The following MYO5C variants were observed in gnomAD, a reference collection of about 807,000 sequenced individuals.
MYO5C encodes unconventional myosin-Vc.
A neutral mutation model predicts 235.7 loss-of-function variants in MYO5C; 194 were observed. The ratio of observed to expected loss-of-function variants is 0.82; its 90% confidence interval spans 0.73 to 0.93. The LOEUF (loss-of-function observed/expected upper bound fraction) is 0.93, where lower values mean the gene tolerates loss of function less well. Among genes scored for constraint, MYO5C ranks in the 40% least tolerant of loss-of-function variants. The pLI is 0.00. For synonymous variants in MYO5C, 707 were observed against 754.8 expected (o/e 0.94, Z 1.04); for missense variants, 2,038 against 2,127.2 (o/e 0.96, Z 0.82).
In MYO5C at chr15:52,275,613, G is replaced by A; in HGVS notation, c.555C>T (p.Gly185=). 6.2e-7 allele frequency: 1 copy of A among 1,614,208 alleles called. No homozygotes were observed. Among genetic ancestry groups the A allele is most frequent in the Non-Finnish European group, 8.5e-7 (1 of 1,180,040 alleles). Residue 185 remains glycine (G), a synonymous_variant, in exon 5 of 41, where the codon GGC becomes GGT. Coordinates refer to ENST00000261839, the MANE Select transcript of MYO5C (RefSeq NM_018728.4). Reference sequence around the variant, plus strand: ...CCTTGTCTTCCACGTGAGCGTTGCTGCCCGATTTGCTGACGGTGGCAAAGT... The same window carrying A: ...CCTTGTCTTCCACGTGAGCGTTGCTACCCGATTTGCTGACGGTGGCAAAGT... ...MRYFATVSKS[G]SNAHVEDKVL...
At chr15:52,208,496 G>T in intron 36 of MYO5C, 58 bp downstream of exon 36, 1 of 1,510,724 alleles carries the variant, frequency 6.6e-7, no homozygotes, top group South Asian at 1.1e-5. Context: ...CTCTGGCTCA[G>T]GAGGAGGTTA....
At chr15:52,212,089 T>G (rs1437500531) in intron 34 of MYO5C, among the ~76,000 whole-genome samples, 2 of 152,222 alleles carry the variant, frequency 1.3e-5, no homozygotes, top group Non-Finnish European at 2.9e-5. Context: ...CTCTTCTTGT[T>G]TACAAAGGAC....
intron 38 of MYO5C, among the ~76,000 whole-genome samples, chr15:52,199,554 G>A (rs1337424308): frequency 3.7e-5 from 5 of 133,986 alleles, no homozygotes; most frequent in South Asian, 2.5e-4. Context: ...GCCTCTACTC[G>A]CCACAGGTTG....
intron 36 of MYO5C, 137 bp from the exon 37 acceptor site, chr15:52,206,103 T>C: frequency 1.9e-6 from 1 of 530,980 alleles, no homozygotes; most frequent in Non-Finnish European, 3.1e-6. Context: ...TGGGGTAGCA[T>C]GTACCTTCTA....
At chr15:52,287,756 C>G (rs1004305994) in intron 1 of MYO5C, among the ~76,000 whole-genome samples, 5 of 152,098 alleles carry the variant, frequency 3.3e-5, no homozygotes, top group African/African-American at 1.2e-4. Flanking sequence ...GTGGGTGGAT[C>G]ACCTGAGATT....
intron 1 of MYO5C, among the ~76,000 whole-genome samples, chr15:52,291,730 T>C (rs12905703): frequency 1.9e-5 from 2 of 105,080 alleles, no homozygotes; most frequent in African/African-American, 7.0e-5. Flanking sequence ...GCATATTTTA[T>C]GTTTTTTTTT....
At chr15:52,221,105 A>T in intron 30 of MYO5C, 57 bp downstream of exon 30, 1 of 1,367,658 alleles carries the variant, frequency 7.3e-7, no homozygotes. Flanking sequence ...TTTCAATGTC[A>T]TTTCCGGGGT....
chr15:52,217,179 T>A lies in MYO5C; in HGVS notation c.3954+1340A>T, dbSNP rs543691458. 1.4e-4 allele frequency among the ~76,000 whole-genome samples: 21 copies of A among 152,364 alleles called. No individual in the cohort carries two copies. In the East Asian group the frequency reaches 3.7e-3, roughly 27 times the overall value. ...ATGTATAGAGATGATACTCTTGTTGTGTGTCCGTCTGCTTCTATGTAACAG... is the reference window on the plus strand; with the variant it reads ...ATGTATAGAGATGATACTCTTGTTGAGTGTCCGTCTGCTTCTATGTAACAG... On this transcript the variant is annotated intron_variant, in intron 32 of 40. Coordinates refer to ENST00000261839, the MANE Select transcript of MYO5C (RefSeq NM_018728.4).
intron 8 of MYO5C, chr15:52,265,259 A>T (rs1223167117): frequency 6.6e-6 from 1 of 152,314 alleles, no homozygotes; most frequent in Non-Finnish European, 1.5e-5. Context: ...GCTAGAAAGG[A>T]CTGTGTTCAA....
At chr15:52,260,759 C>T in intron 10 of MYO5C, 103 bp downstream of exon 10, 1 of 1,304,664 alleles carries the variant, frequency 7.7e-7, no homozygotes, top group Non-Finnish European at 1.1e-6. Flanking sequence ...TGTTATCTTT[C>T]TAATCATGTG....
chr15:52,287,273 G>A (rs2037296410), intron 1 of MYO5C, among the ~76,000 whole-genome samples: 1 of 152,156 alleles, frequency 6.6e-6, no homozygotes, highest in African/African-American at 2.4e-5. Context: ...TGTGCAGATA[G>A]GACGATGGAG....
At chr15:52,256,249 G>A (rs1319809076) in intron 11 of MYO5C, among the ~76,000 whole-genome samples, 2 of 152,076 alleles carry the variant, frequency 1.3e-5, no homozygotes, top group African/African-American at 2.4e-5. Flanking sequence ...AGTTGGCCAC[G>A]TGAAGATAAA....
rs2036472925 is a variant in MYO5C at position 52,251,513 on chromosome 15, T to C, written c.1539A>G (p.Leu513=). Reference sequence around the variant, plus strand: ...GCCAGTTTTCATCAGTTCCATGTGGTAACTGGAAAAGAAAAATAAACCAAA... The same window carrying C: ...GCCAGTTTTCATCAGTTCCATGTGGCAACTGGAAAAGAAAAATAAACCAAA... ...ILELLDEECL[L]PHGTDENWLQ... is the part of the protein sequence containing the mutation. Residue 513 remains leucine (L), a splice_region_variant and synonymous_variant, in exon 13 of 41, where the codon TTA becomes TTG. Transcript: ENST00000261839. 1 of 1,590,436 alleles carries C rather than the reference T, an allele frequency of 6.3e-7. No homozygotes were observed. The highest frequency in any genetic ancestry group is 2.3e-5 in the East Asian group (1 of 44,018).
At chr15:52,194,713 T>C (rs1052796881) in intron 40 of MYO5C, among the ~76,000 whole-genome samples, 1 of 151,510 alleles carries the variant, frequency 6.6e-6, no homozygotes, top group African/African-American at 2.4e-5. Context: ...TTATCATATA[T>C]AACCATATAT....
intron 6 of MYO5C, 29 bp downstream of exon 6, chr15:52,272,551 A>C: frequency 6.2e-7 from 1 of 1,608,918 alleles, no homozygotes; most frequent in Non-Finnish European, 8.5e-7. Context: ...ATGCTCAAAA[A>C]GTTGGGGAAA....
intron 8 of MYO5C, among the ~76,000 whole-genome samples, 159 bp downstream of exon 8, chr15:52,269,594 T>C (rs1325941491): frequency 1.3e-5 from 2 of 151,852 alleles, no homozygotes; most frequent in Non-Finnish European, 2.9e-5. Flanking sequence ...GGTTTCACCA[T>C]GTTGGCCAGA....
At chr15:52,274,481 G>A (rs2140848875) in intron 5 of MYO5C, among the ~76,000 whole-genome samples, 1 of 152,194 alleles carries the variant, frequency 6.6e-6, no homozygotes, top group East Asian at 1.9e-4. Context: ...GTTTCATCAT[G>A]TTGCCCAGGC....
intron 27 of MYO5C, 35 bp downstream of exon 27, chr15:52,225,040 T>C (rs751598196): frequency 1.2e-6 from 2 of 1,613,362 alleles, no homozygotes; most frequent in South Asian, 2.2e-5. Flanking sequence ...CATGTTTACA[T>C]GTCTTAAAAT....
intron 3 of MYO5C, 59 bp from the exon 4 acceptor site, chr15:52,279,076 T>G (rs919229267): frequency 7.8e-6 from 12 of 1,548,294 alleles, no homozygotes; most frequent in Non-Finnish European, 9.6e-6. Flanking sequence ...ATCTCCAGTT[T>G]TTTTTTTTTT....
Sources: allele counts gnomAD v4.1 joint callset (sites outside exome capture counted in the v4.1 genomes callset), GRCh38; gene constraint gnomAD v4.1.1; transcripts MANE v1.5; gene names NCBI Gene and HGNC (gene_info 2026-07-23, HGNC 2026-07-21).